ADK: variants seen among roughly 807,000 people sequenced by gnomAD.
The protein encoded by ADK is adenosine kinase.
ADK carries 24 observed loss-of-function variants against 44.7 expected under a neutral mutation model. The ratio of observed to expected loss-of-function variants is 0.54; its 90% CI spans 0.39 to 0.76. ADK has a LOEUF of 0.76. Ranked by LOEUF, ADK falls within the 30% of genes least tolerant of loss-of-function variation. ADK has a pLI of 0.00. For synonymous variants in ADK, 128 were observed against 142.6 expected, an observed-to-expected ratio of 0.90 and a Z score of 0.73; for missense variants, 321 against 425.1, an observed-to-expected ratio of 0.76 and a Z score of 2.15.
rs35081179 is a variant in ADK at position 74,267,790 on chromosome 10, G to GTGTGTGTGTC, written c.194+43202_194+43203insGTGTGTCTGT. ...TGTGTGTGTGTGTGTGTGTGTGTGT[G>GTGTGTGTGTC]TGTCTGTCTGTCTGTTTTAGTGGCT... On this transcript the variant is annotated intron_variant, in intron 3 of 10. Coordinates refer to ENST00000539909, the MANE Select transcript of ADK (RefSeq NM_006721.4). Among the ~76,000 whole-genome samples, 811 of 145,640 alleles carry GTGTGTGTGTC rather than the reference G, an allele frequency of 5.6e-3. 6 individuals are homozygous for GTGTGTGTGTC. Among genetic ancestry groups the GTGTGTGTGTC allele is most frequent in the Middle Eastern group, 0.021 (6 of 288 alleles).
intron 1 of ADK, 148 bp from the exon 2 acceptor site, chr10:74,200,616 G>A (rs1428103099): frequency 2.3e-5 from 15 of 665,280 alleles, no homozygotes; most frequent in East Asian, 1.9e-4. Context: ...AATGTTCTAC[G>A]TATAATAGGC....
rs185569828 is a variant in ADK at position 74,165,003 on chromosome 10, A to G, written c.65+13660A>G. 5.5e-4 allele frequency among the ~76,000 whole-genome samples: 83 copies of G among 152,268 alleles called. No individual in the cohort carries two copies. In the East Asian group the frequency reaches 7.9e-3, roughly 15 times the overall value. On this transcript the variant is annotated intron_variant, in intron 1 of 10. Coordinates refer to ENST00000539909, the MANE Select transcript of ADK (RefSeq NM_006721.4). ...TTTCTCTTTGAGAAACTACTTTCATATTTCCGAAGACTGCTTGGGAATGCT... is the reference window on the plus strand; with the variant it reads ...TTTCTCTTTGAGAAACTACTTTCATGTTTCCGAAGACTGCTTGGGAATGCT...
At chr10:74,238,856 C>CTT (rs752385282) in intron 3 of ADK, among the ~76,000 whole-genome samples, 3,248 of 88,004 alleles carry the variant, frequency 0.037, 315 homozygotes, top group African/African-American at 0.11. Context: ...TTAGCTAGTG[C>CTT]TTTTTTTTTT....
intron 3 of ADK, among the ~76,000 whole-genome samples, chr10:74,302,090 GTTTTTTTTTTGTTTGTTTGTTTTTT>G (rs1364196757): frequency 2.9e-4 from 5 of 17,032 alleles, no homozygotes; most frequent in African/African-American, 1.3e-3. Flanking sequence ...TTTCTTTTCT[GTTTTTTTTTTGTTTGTTTGTTTTTT>G]TTTTTTTTTT....
chr10:74,364,695 T>G (rs891885519), intron 4 of ADK, among the ~76,000 whole-genome samples: 5 of 23,912 alleles, frequency 2.1e-4, no homozygotes, highest in African/African-American at 3.9e-4. Flanking sequence ...ATGGTGTGTG[T>G]GTGTGTGTGT....
rs1185036462 is a variant in ADK, at chr10:74,303,588, G to GTTT, written c.195-11055_195-11053dup. 2.5e-4 allele frequency among the ~76,000 whole-genome samples: 17 copies of GTTT among 68,576 alleles called. 1 individual carries two copies. Among genetic ancestry groups the GTTT allele is most frequent in the East Asian group, 2.3e-3 (5 of 2,176 alleles). The allele number at this position is 68,576 out of a possible 152,430, so 45.0% of individuals were successfully genotyped here. ...CACTTTTCATATTGGTTTTAATGTTGTTTTTTTTTTTTTTTTTTTTTTTTT... is the reference window on the plus strand; with the variant it reads ...CACTTTTCATATTGGTTTTAATGTTGTTTTTTTTTTTTTTTTTTTTTTTTTTTT... On this transcript the variant is annotated intron_variant, in intron 3 of 10. Transcript: ENST00000539909.
chr10:74,210,330 GAAA>G (rs57852507), intron 2 of ADK, among the ~76,000 whole-genome samples: 2 of 84,920 alleles, frequency 2.4e-5, no homozygotes, highest in African/African-American at 4.5e-5. Flanking sequence ...TCCATCTCAG[GAAA>G]AAAAAAAAAA....
intron 10 of ADK, among the ~76,000 whole-genome samples, chr10:74,686,435 C>T (rs1417405947): frequency 6.6e-6 from 1 of 152,124 alleles, no homozygotes; most frequent in Non-Finnish European, 1.5e-5. Flanking sequence ...GATTAAGGCC[C>T]TTATAAAAGA....
intron 4 of ADK, among the ~76,000 whole-genome samples, chr10:74,391,076 T>C (rs1408073858): frequency 3.9e-5 from 6 of 152,198 alleles, no homozygotes; most frequent in African/African-American, 1.4e-4. Context: ...CAAAATAGTT[T>C]CACCAATAAC....
chr10:74,601,820 C>G (rs1001855800), intron 9 of ADK, among the ~76,000 whole-genome samples: 2 of 150,832 alleles, frequency 1.3e-5, no homozygotes, highest in Non-Finnish European at 2.9e-5. Flanking sequence ...CAAGTGGGCA[C>G]AGTGGCTCAC....
chr10:74,457,262 C>G (rs749068883), intron 6 of ADK, among the ~76,000 whole-genome samples: 7 of 152,160 alleles, frequency 4.6e-5, no homozygotes, highest in African/African-American at 1.7e-4. Context: ...TCAGATACCC[C>G]CTCCCAAGAC....
Position 74,708,812 on chromosome 10 carries a change from A to AT in ADK, c.*373dup, listed in dbSNP as rs1177756645. The AT allele has an allele frequency of 4.4e-6, 1 of 229,494 alleles. No individual in the cohort carries two copies. Among genetic ancestry groups the AT allele is most frequent in the Non-Finnish European group, 8.8e-6 (1 of 114,120 alleles). The allele number at this position is 229,494 out of a possible 1,614,324, so 14.2% of individuals were successfully genotyped here. ...ATGCAGATGCAATTTAATATAATAG[A>AT]TTTTTTAATGAATTAATCTTAACAT... On this transcript the variant is annotated 3_prime_UTR_variant, in exon 11 of 11. Coordinates refer to ENST00000539909, the MANE Select transcript of ADK (RefSeq NM_006721.4).
intron 7 of ADK, among the ~76,000 whole-genome samples, chr10:74,540,308 A>G (rs1003806782): frequency 2.2e-4 from 33 of 152,158 alleles, no homozygotes; most frequent in African/African-American, 7.7e-4. Context: ...ATGCCTTTCT[A>G]TTTTATTCAC....
At chr10:74,690,736 A>G (rs997894472) in intron 10 of ADK, among the ~76,000 whole-genome samples, 1 of 152,126 alleles carries the variant, frequency 6.6e-6, no homozygotes, top group Admixed American at 6.6e-5. Context: ...TTGAGGTGTT[A>G]TGTTATTTTT....
intron 4 of ADK, among the ~76,000 whole-genome samples, chr10:74,393,112 T>C (rs890445958): frequency 1.2e-4 from 18 of 152,168 alleles, no homozygotes; most frequent in Admixed American, 6.6e-4. Flanking sequence ...CTTACAGTTC[T>C]GTCTTTGTTA....
At chr10:74,303,796 C>T (rs1413800390) in intron 3 of ADK, among the ~76,000 whole-genome samples, 1 of 150,642 alleles carries the variant, frequency 6.6e-6, no homozygotes, top group Non-Finnish European at 1.5e-5. Flanking sequence ...AGTGAAAACC[C>T]GTCTCTACTA....
intron 6 of ADK, among the ~76,000 whole-genome samples, chr10:74,401,509 C>T (rs1394191027): frequency 6.6e-6 from 1 of 151,576 alleles, no homozygotes; most frequent in Non-Finnish European, 1.5e-5. Context: ...TTCTTTATCT[C>T]TTTTGATCTT....
chr10:74,471,428 C>G lies in ADK; in HGVS notation c.556-53828C>G, dbSNP rs115461920. On this transcript the variant is annotated intron_variant, in intron 6 of 10. Transcript: ENST00000539909. ...TGCTTTGTGTAATATGTTTTGAAAT[C>G]AGGAACTCTGAGGCCTCTATCTTTG... Among the ~76,000 whole-genome samples, 745 of 152,230 alleles carry G rather than the reference C, an allele frequency of 4.9e-3. 5 individuals are homozygous for G. Among genetic ancestry groups the G allele is most frequent in the African/African-American group, 0.017 (701 of 41,538 alleles).
At chr10:74,583,858 G>C (rs1397102152) in intron 7 of ADK, among the ~76,000 whole-genome samples, 1 of 152,142 alleles carries the variant, frequency 6.6e-6, no homozygotes, top group Non-Finnish European at 1.5e-5. Context: ...TCATCTTGCT[G>C]CTCAGCTAGG....
Sources: allele counts gnomAD v4.1 joint callset (sites outside exome capture counted in the v4.1 genomes callset), GRCh38; gene constraint gnomAD v4.1.1; transcripts MANE v1.5; gene names NCBI Gene and HGNC (gene_info 2026-07-23, HGNC 2026-07-21).